The following GALC variants were observed in gnomAD, a reference collection of about 807,000 sequenced individuals.
The protein encoded by GALC is galactocerebrosidase.
A neutral mutation model predicts 91.8 loss-of-function variants in GALC; 77 were observed. The observed-to-expected ratio is 0.84, with a 90% confidence interval of 0.70 to 1.01. The LOEUF (loss-of-function observed/expected upper bound fraction) is 1.01. Ranked by LOEUF, GALC falls within the 50% of genes least tolerant of loss-of-function variation. The pLI, the probability that GALC is intolerant of heterozygous loss-of-function variation, is 0.00. For synonymous variants in GALC, 357 were observed against 306.7 expected, an observed-to-expected ratio of 1.16 and a Z score of -1.71; for missense variants, 882 against 855.9, an observed-to-expected ratio of 1.03 and a Z score of -0.38.
intron 1 of GALC, chr14:87,992,712 C>T: frequency 7.0e-7 from 1 of 1,431,814 alleles, no homozygotes; most frequent in Non-Finnish European, 9.1e-7. Context: ...ACTTTACTCT[C>T]TGCACCTATA....
intron 1 of GALC, among the ~76,000 whole-genome samples, chr14:87,990,614 G>A (rs1463460983): frequency 6.6e-6 from 1 of 152,192 alleles, no homozygotes; most frequent in Non-Finnish European, 1.5e-5. Context: ...GGTAAACAAT[G>A]CTTCCTGTCC....
chr14:87,983,706 C>T (rs1886845433), intron 5 of GALC, among the ~76,000 whole-genome samples: 1 of 152,156 alleles, frequency 6.6e-6, no homozygotes, highest in South Asian at 2.1e-4. Flanking sequence ...TACGATGCAG[C>T]CTGGGGCATG....
Position 87,976,366 on chromosome 14 carries a change from A to G in GALC, c.744T>C (p.Asp248=). 6.2e-7 allele frequency: 1 copy of G among 1,613,996 alleles called. No individual in the cohort carries two copies. Among genetic ancestry groups the G allele is most frequent in the African/African-American group, 1.3e-5 (1 of 75,036 alleles). The change falls in exon 7 of 17, where the codon GAT becomes GAC. Residue 248 remains aspartate (D), a synonymous_variant. Transcript: ENST00000261304. Reference sequence around the variant, plus strand: ...AGTAAAACATGCCTTACCCTATAACATCAACCACCTTGAAGAGTTCGGCAT... The same window carrying G: ...AGTAAAACATGCCTTACCCTATAACGTCAACCACCTTGAAGAGTTCGGCAT... ...LLDAELFKVV[D]VIGAHYPGTH... is the part of the protein sequence containing the mutation.
chr14:87,959,342 G>C (rs112649012), intron 10 of GALC, among the ~76,000 whole-genome samples: 17,213 of 152,180 alleles, frequency 0.11, 1,144 homozygotes, highest in Non-Finnish European at 0.16. Context: ...TGAGGATGTG[G>C]AAAAAAAGAA....
intron 11 of GALC, among the ~76,000 whole-genome samples, chr14:87,950,213 A>C (rs1054347682): frequency 2.6e-5 from 4 of 152,038 alleles, no homozygotes; most frequent in Non-Finnish European, 5.9e-5. Context: ...TAACTTCTAA[A>C]TTAAAATAAC....
chr14:87,984,268 A>G, intron 5 of GALC, 126 bp downstream of exon 5: 1 of 881,880 alleles, frequency 1.1e-6, no homozygotes, highest in South Asian at 1.8e-5. Context: ...TTATTATCAG[A>G]CACCATTAGA....
intron 6 of GALC, chr14:87,981,376 T>TG (rs1043505654): frequency 6.2e-6 from 1 of 161,824 alleles, no homozygotes; most frequent in Non-Finnish European, 1.3e-5. Context: ...CAGTGATGGG[T>TG]GCACCAAAAT....
intron 1 of GALC, among the ~76,000 whole-genome samples, chr14:87,989,970 T>G (rs1887130707): frequency 6.6e-6 from 1 of 152,204 alleles, no homozygotes; most frequent in Non-Finnish European, 1.5e-5. Context: ...TCTATTCTTA[T>G]GCCTGGAATG....
At chr14:87,940,038 T>C in intron 15 of GALC, 57 bp from the exon 16 acceptor site, 3 of 1,374,380 alleles carry the variant, frequency 2.2e-6, no homozygotes, top group Non-Finnish European at 3.1e-6. Context: ...AATCACAGAA[T>C]CATATAATTC....
intron 10 of GALC, among the ~76,000 whole-genome samples, chr14:87,955,421 C>T (rs1885490988): frequency 6.6e-6 from 1 of 151,948 alleles, no homozygotes; most frequent in South Asian, 2.1e-4. Flanking sequence ...AAATGATCTA[C>T]CAGTCAAGGC....
intron 7 of GALC, among the ~76,000 whole-genome samples, chr14:87,975,291 A>C (rs190221216): frequency 1.1e-4 from 16 of 152,250 alleles, no homozygotes; most frequent in African/African-American, 3.6e-4. Context: ...AGAAAGAAAA[A>C]GAGCAAGAAC....
In GALC at chr14:87,934,446, G is replaced by C; in HGVS notation, c.*286C>G. ...CTCAGTGTTAGCAGCAAGGCTTCGAGGTCTGTACTACTCAAACCACTCCTA... is the reference window on the plus strand; with the variant it reads ...CTCAGTGTTAGCAGCAAGGCTTCGACGTCTGTACTACTCAAACCACTCCTA... On this transcript the variant is annotated 3_prime_UTR_variant, in exon 17 of 17. Transcript: ENST00000261304. 1 of 1,328,244 alleles carries C rather than the reference G, an allele frequency of 7.5e-7. No individual in the cohort carries two copies. The highest frequency in any genetic ancestry group is 9.7e-7 in the Non-Finnish European group (1 of 1,035,018). The allele number at this position is 1,328,244 out of a possible 1,614,324, so 82.3% of individuals were successfully genotyped here.
At chr14:87,979,583 G>A (rs144840840) in intron 6 of GALC, among the ~76,000 whole-genome samples, 223 of 152,176 alleles carry the variant, frequency 1.5e-3, no homozygotes, top group Non-Finnish European at 2.4e-3. Flanking sequence ...TAGTAAAAAA[G>A]TTCAAATAAC....
chr14:87,990,127 A>G (rs1221471335), intron 1 of GALC, among the ~76,000 whole-genome samples: 1 of 152,154 alleles, frequency 6.6e-6, no homozygotes, highest in African/African-American at 2.4e-5. Flanking sequence ...TCTTTATTAC[A>G]ACACTTTGAA....
At chr14:87,965,458 T>C (rs1428592077) in intron 9 of GALC, 47 bp downstream of exon 9, 2 of 1,599,554 alleles carry the variant, frequency 1.3e-6, no homozygotes, top group Non-Finnish European at 1.7e-6. Flanking sequence ...TTCTGCTTTG[T>C]CTCTTAGAGA....
chr14:87,988,373 A>G, intron 2 of GALC, 82 bp downstream of exon 2: 1 of 1,251,668 alleles, frequency 8.0e-7, no homozygotes, highest in Middle Eastern at 2.1e-4. Context: ...TAGAATTGTG[A>G]GGCTAATAAA....
rs1358741692 is a variant in GALC at position 87,933,661 on chromosome 14, A to G, written c.*1071T>C. 3.8e-6 allele frequency: 1 copy of G among 265,288 alleles called. No homozygotes were observed. The highest frequency in any genetic ancestry group is 7.1e-6 in the Non-Finnish European group (1 of 141,758). The allele number at this position is 265,288 out of a possible 1,614,324, so 16.4% of individuals were successfully genotyped here. On this transcript the variant is annotated 3_prime_UTR_variant, in exon 17 of 17. Transcript: ENST00000261304. ...GAGTAATTCTTATAAATAATTCTAG[A>G]TTTACTTTACCTACATGAATAACTG... is the stretch of plus-strand genomic sequence containing the variant.
chr14:87,939,916 A>C lies in GALC; in HGVS notation c.1900T>G (p.Leu634Val). The C allele has an allele frequency of 6.2e-7, 1 of 1,607,652 alleles. No individual in the cohort carries two copies. Among genetic ancestry groups the C allele is most frequent in the East Asian group, 2.2e-5 (1 of 44,776 alleles). Residue 634 changes from leucine (L) to valine (V), a missense_variant, in exon 16 of 17, where the codon TTA (leucine) becomes GTA (valine). By Grantham distance (32) the Leu-to-Val change is conservative. Coordinates refer to ENST00000261304, the MANE Select transcript of GALC (RefSeq NM_000153.4). Reference sequence around the variant, plus strand: ...TCAGCAATACTTACCTTAATAGTTAACGTGAGTGTATACCATTTTTTTGCT... The same window carrying C: ...TCAGCAATACTTACCTTAATAGTTACCGTGAGTGTATACCATTTTTTTGCT... ...VTAKKWYTLT[L>V]TIKGHFTSGM...
chr14:87,939,280 T>C (rs1211272446), intron 16 of GALC, among the ~76,000 whole-genome samples: 1 of 151,890 alleles, frequency 6.6e-6, no homozygotes, highest in African/African-American at 2.4e-5. Flanking sequence ...TGGAATCTGA[T>C]TTTTAATTTC....
Sources: gnomAD v4.1 joint callset for allele counts (sites outside exome capture counted in the v4.1 genomes callset) on GRCh38, gnomAD v4.1.1 for gene constraint, MANE v1.5 for transcripts, NCBI Gene and HGNC (gene_info 2026-07-23, HGNC 2026-07-21) for gene names.